ATAD2B: variants seen among roughly 807,000 people sequenced by gnomAD.
ATAD2B encodes the protein ATPase family AAA domain-containing protein 2B.
A neutral mutation model predicts 167.6 loss-of-function variants in ATAD2B; 40 were observed. That is an observed-to-expected ratio of 0.24 (90% CI 0.19 to 0.31). ATAD2B has a LOEUF of 0.31. ATAD2B is among the 10% of genes least tolerant of loss of function. The pLI is 1.00. For missense variants in ATAD2B, 1,242 were observed against 1,757.2 expected (o/e 0.71, Z 5.24); for synonymous variants, 579 against 596.5 (o/e 0.97, Z 0.43).
At chr2:23,905,864 T>C (rs770314685) in intron 1 of ATAD2B, among the ~76,000 whole-genome samples, 3 of 152,196 alleles carry the variant, frequency 2.0e-5, no homozygotes, top group African/African-American at 4.8e-5. Flanking sequence ...GTCCCTGCCT[T>C]TCATGGAAGT....
intron 19 of ATAD2B, among the ~76,000 whole-genome samples, chr2:23,795,906 A>G (rs960301960): frequency 1.3e-5 from 2 of 151,754 alleles, no homozygotes; most frequent in Non-Finnish European, 2.9e-5. Context: ...AAGAAAAAAG[A>G]AAGCAAGCAT....
intron 6 of ATAD2B, among the ~76,000 whole-genome samples, chr2:23,884,519 G>T (rs1356830257): frequency 1.3e-5 from 2 of 152,020 alleles, no homozygotes; most frequent in African/African-American, 4.8e-5. Context: ...GATCACTGAA[G>T]GACTACCAAT....
At chr2:23,725,605 G>C in the ATAD2B span, among the ~76,000 whole-genome samples, 1 of 151,992 alleles carries the variant, frequency 6.6e-6, no homozygotes, top group African/African-American at 2.4e-5. Context: ...TATATTGTAA[G>C]CCCCAGAGAA....
chr2:23,785,950 C>T, intron 21 of ATAD2B, 77 bp downstream of exon 21: 1 of 1,317,990 alleles, frequency 7.6e-7, no homozygotes, highest in African/African-American at 1.5e-5. Context: ...GCTTTTTTTT[C>T]CTTCCAAAAA....
chr2:23,867,894 C>G lies in ATAD2B; in HGVS notation c.1129G>C (p.Glu377Gln), dbSNP rs1468600801. The G allele has an allele frequency of 6.2e-7, 1 of 1,613,718 alleles. No homozygotes were observed. Among genetic ancestry groups the G allele is most frequent in the Non-Finnish European group, 8.5e-7 (1 of 1,179,840 alleles). Reference protein sequence around the residue: ...AEDLASGILRERVKVGASLAD... With the variant: ...AEDLASGILRQRVKVGASLAD... The stretch of plus-strand genomic sequence containing the variant: ...AAGCTTGCACCCACTTTCACTCGTT[C>G]TCGGAGAATACCGCTAGCTAAGTCC... The change falls in exon 10 of 28, where the codon GAA (glutamate) becomes CAA (glutamine). Residue 377 changes from glutamate (E) to glutamine (Q), a missense_variant. Glu to Gln is a conservative substitution (Grantham distance 29). This residue lies in a region of ATAD2B where 127 missense variants were observed against 146.3 expected (regional missense o/e 0.87). Transcript: ENST00000238789.
the ATAD2B span, among the ~76,000 whole-genome samples, chr2:23,694,154 G>A: frequency 6.6e-6 from 1 of 152,210 alleles, no homozygotes; most frequent in Non-Finnish European, 1.5e-5. Context: ...TCTGCTCAGT[G>A]GCCTTCTGGG....
intron 27 of ATAD2B, among the ~76,000 whole-genome samples, chr2:23,753,834 T>C (rs1675635075): frequency 6.6e-6 from 1 of 152,004 alleles, no homozygotes; most frequent in South Asian, 2.1e-4. Context: ...CATGACCACA[T>C]CCGACAAGCC....
chr2:23,753,513 A>G (rs1363551738), intron 27 of ATAD2B, among the ~76,000 whole-genome samples: 1 of 152,118 alleles, frequency 6.6e-6, no homozygotes, highest in African/African-American at 2.4e-5. Flanking sequence ...ATTTGCTCAG[A>G]TGACCTGAAA....
In ATAD2B at chr2:23,762,131, T is replaced by C. The variant is rs1392965837; in HGVS notation, c.3394+78A>G. 3 of 1,473,796 alleles carry C rather than the reference T, an allele frequency of 2.0e-6. No individual in the cohort carries two copies. The African/African-American group carries it at 4.2e-5, about 21-fold the overall frequency. The allele number at this position is 1,473,796 out of a possible 1,614,324, so 91.3% of individuals were successfully genotyped here. A position where few individuals can be genotyped will look rare whatever the true frequency, so the allele number is the denominator to read the frequency against. ...GCTATGGGAAAAGAGCGGCACTTTG[T>C]TTTGTACCCAATTCCTAACATATCT... On this transcript the variant is annotated intron_variant, in intron 24 of 27. Coordinates refer to ENST00000238789, the MANE Select transcript of ATAD2B (RefSeq NM_017552.4).
At chr2:23,807,946 TATAA>T (rs1372884840) in intron 18 of ATAD2B, among the ~76,000 whole-genome samples, 14 of 124,570 alleles carry the variant, frequency 1.1e-4, no homozygotes, top group African/African-American at 3.3e-4. Context: ...TATATAAATA[TATAA>T]ATATTTATAA....
At chr2:23,874,123 G>A (rs1558703462) in intron 8 of ATAD2B, among the ~76,000 whole-genome samples, 1 of 151,848 alleles carries the variant, frequency 6.6e-6, no homozygotes, top group Non-Finnish European at 1.5e-5. Flanking sequence ...GGAGGCGGAG[G>A]TTGCAGTGAG....
chr2:23,862,401 G>GTTTT (rs750865073), intron 12 of ATAD2B, among the ~76,000 whole-genome samples: 136 of 99,410 alleles, frequency 1.4e-3, no homozygotes, highest in East Asian at 2.6e-3. Flanking sequence ...ATTTGGACTG[G>GTTTT]TTTTTTTTTT....
At chr2:23,847,262 T>C (rs2149854592) in intron 13 of ATAD2B, among the ~76,000 whole-genome samples, 1 of 149,548 alleles carries the variant, frequency 6.7e-6, no homozygotes, top group Non-Finnish European at 1.5e-5. Flanking sequence ...TCCCAGCACT[T>C]TGGGAGGCCG....
At chr2:23,831,432 A>C (rs1243450539) in intron 14 of ATAD2B, among the ~76,000 whole-genome samples, 2 of 152,220 alleles carry the variant, frequency 1.3e-5, no homozygotes, top group Non-Finnish European at 2.9e-5. Context: ...CTATTGGCCA[A>C]ACCATAGGAC....
At chr2:23,905,250 G>C (rs887174614) in intron 1 of ATAD2B, among the ~76,000 whole-genome samples, 2 of 152,192 alleles carry the variant, frequency 1.3e-5, no homozygotes, top group African/African-American at 4.8e-5. Context: ...AGGCATGATA[G>C]CTCATATCTA....
At chr2:23,733,820 G>C in the ATAD2B span, among the ~76,000 whole-genome samples, 73 of 152,138 alleles carry the variant, frequency 4.8e-4, no homozygotes, top group African/African-American at 1.7e-3. Flanking sequence ...CCCAGTCCCG[G>C]CCTATAGCAT....
intron 6 of ATAD2B, among the ~76,000 whole-genome samples, chr2:23,882,899 G>A (rs1698159042): frequency 6.6e-6 from 1 of 151,630 alleles, no homozygotes; most frequent in Non-Finnish European, 1.5e-5. Context: ...TTAACCACAA[G>A]AACTGTCAAT....
At chr2:23,758,126 A>T (rs770649627) in intron 24 of ATAD2B, 25 bp from the exon 25 acceptor site, 206 of 1,503,230 alleles carry the variant, frequency 1.4e-4, no homozygotes, top group Non-Finnish European at 1.7e-4. Flanking sequence ...AGGAAAAAAG[A>T]TATGTAGAAC....
At chr2:23,791,856 C>T (rs1681786232) in intron 19 of ATAD2B, among the ~76,000 whole-genome samples, 1 of 152,162 alleles carries the variant, frequency 6.6e-6, no homozygotes, top group Non-Finnish European at 1.5e-5. Context: ...GTGCAAATAC[C>T]TGTTCAAGTC....
Sources: gnomAD v4.1 joint callset for allele counts (sites outside exome capture counted in the v4.1 genomes callset) on GRCh38, gnomAD v4.1.1 for gene constraint, gnomAD v4.1.1 regional missense constraint, MANE v1.5 for transcripts, NCBI Gene and HGNC (gene_info 2026-07-23, HGNC 2026-07-21) for gene names.